The following PDS5A variants were observed in gnomAD, a reference collection of about 807,000 sequenced individuals.
PDS5A encodes sister chromatid cohesion protein PDS5 homolog A.
In PDS5A, 42 loss-of-function variants were observed where a neutral mutation model predicts 167.1. The observed-to-expected ratio is 0.25, with a 90% CI of 0.20 to 0.33. The LOEUF (loss-of-function observed/expected upper bound fraction) is 0.33, where lower values mean the gene tolerates loss of function less well. PDS5A is among the 10% of genes least tolerant of loss of function. The pLI is 1.00. For synonymous variants in PDS5A, 553 were observed against 554.6 expected, an observed-to-expected ratio of 1.00 and a Z score of 0.04; for missense variants, 1,033 against 1,605.9, an observed-to-expected ratio of 0.64 and a Z score of 6.10.
chr4:39,845,463 G>A (rs1237704550), intron 29 of PDS5A, among the ~76,000 whole-genome samples: 1 of 152,098 alleles, frequency 6.6e-6, no homozygotes, highest in Non-Finnish European at 1.5e-5. Context: ...TGTTTTAGGT[G>A]TCACCATATT....
chr4:39,956,346 A>T (rs1728923779), intron 2 of PDS5A, among the ~76,000 whole-genome samples: 1 of 151,310 alleles, frequency 6.6e-6, no homozygotes, highest in South Asian at 2.1e-4. Flanking sequence ...TACAAAAATT[A>T]GCCAGGTATG....
chr4:39,974,019 G>C (rs981164246), intron 2 of PDS5A: 12 of 457,796 alleles, frequency 2.6e-5, no homozygotes, highest in Non-Finnish European at 4.9e-5. Flanking sequence ...CCAGCTACTC[G>C]GGAGGCTGAG....
intron 2 of PDS5A, among the ~76,000 whole-genome samples, chr4:39,950,441 T>G (rs1317605279): frequency 1.3e-5 from 2 of 151,544 alleles, no homozygotes; most frequent in Non-Finnish European, 2.9e-5. Flanking sequence ...AAAAACAAGT[T>G]AGAAATTATT....
Position 39,926,880 on chromosome 4 carries a change from C to T in PDS5A, c.343-19G>A, listed in dbSNP as rs1301576610. ...ATATGTCCTGTTAAAAAAAAAAACA[C>T]ATTAATTTAGACACAAATACTTTTC... is the stretch of plus-strand genomic sequence containing the variant. On this transcript the variant is annotated intron_variant, in intron 3 of 32. Coordinates refer to ENST00000303538, the MANE Select transcript of PDS5A (RefSeq NM_001100399.2). The T allele has an allele frequency of 7.3e-7, 1 of 1,363,822 alleles. No individual in the cohort carries two copies. Among genetic ancestry groups the T allele is most frequent in the Non-Finnish European group, 9.6e-7 (1 of 1,039,500 alleles). 84.5% of individuals were successfully genotyped at this position (1,363,822 alleles called of 1,614,324 possible).
chr4:39,839,632 T>C (rs1288296698), intron 31 of PDS5A, among the ~76,000 whole-genome samples: 1 of 151,842 alleles, frequency 6.6e-6, no homozygotes, highest in Non-Finnish European at 1.5e-5. Flanking sequence ...GTTAAGCTAC[T>C]GTGGTGTAAC....
intron 21 of PDS5A, among the ~76,000 whole-genome samples, chr4:39,871,676 T>G (rs1049901246): frequency 6.6e-6 from 1 of 152,168 alleles, no homozygotes; most frequent in Admixed American, 6.5e-5. Flanking sequence ...TTAATTTAGA[T>G]CCATTTGGTA....
chr4:39,827,951 G>A (rs777666626), intron 32 of PDS5A, among the ~76,000 whole-genome samples: 1 of 152,160 alleles, frequency 6.6e-6, no homozygotes, highest in Middle Eastern at 3.4e-3. Context: ...TCACAACACC[G>A]GGAACTGTTT....
intron 6 of PDS5A, among the ~76,000 whole-genome samples, chr4:39,920,664 ATTGTT>A (rs1053048836): frequency 7.2e-5 from 11 of 152,202 alleles, no homozygotes; most frequent in African/African-American, 2.7e-4. Flanking sequence ...ACAACACTAT[ATTGTT>A]TTATTAAACT....
chr4:39,928,232 TTA>T, intron 2 of PDS5A, 68 bp from the exon 3 acceptor site: 1 of 1,075,600 alleles, frequency 9.3e-7, no homozygotes, highest in Non-Finnish European at 1.3e-6. Flanking sequence ...AGGATGTGAT[TTA>T]AAAAAAAAAA....
chr4:39,925,469 T>TATTGTATTATATA (rs1725374012), intron 5 of PDS5A, among the ~76,000 whole-genome samples: 1 of 152,206 alleles, frequency 6.6e-6, no homozygotes, highest in African/African-American at 2.4e-5. Flanking sequence ...AATTTAATAC[T>TATTGTATTATATA]TCATTGTATT....
chr4:39,845,674 C>G, intron 29 of PDS5A, 144 bp downstream of exon 29: 2 of 918,626 alleles, frequency 2.2e-6, no homozygotes, highest in Non-Finnish European at 2.9e-6. Context: ...AAAAGCATGG[C>G]TGCTTTAGAT....
At chr4:39,916,730 G>T (rs1967010) in intron 8 of PDS5A, among the ~76,000 whole-genome samples, 52,641 of 151,770 alleles carry the variant, frequency 0.35, 10,162 homozygotes, top group East Asian at 0.66. Flanking sequence ...TATGGGCATG[G>T]TGGTTTGCAC....
chr4:39,973,054 T>C lies in PDS5A; in HGVS notation c.138+3386A>G, dbSNP rs1448746564. 7.5e-6 allele frequency: 5 copies of C among 664,562 alleles called. No homozygotes were observed. In the Admixed American group the frequency reaches 9.9e-5, roughly 13 times the overall value. 41.2% of individuals were successfully genotyped at this position (664,562 alleles called of 1,614,324 possible). A position where few individuals can be genotyped will look rare whatever the true frequency, so the allele number is the denominator to read the frequency against. ...TTATATTTTGCAATTTTTTTTTCCATATTTAAGTTTTTCGATGTTTAGATA... is the reference window on the plus strand; with the variant it reads ...TTATATTTTGCAATTTTTTTTTCCACATTTAAGTTTTTCGATGTTTAGATA... On this transcript the variant is annotated intron_variant, in intron 2 of 32. Coordinates refer to ENST00000303538, the MANE Select transcript of PDS5A (RefSeq NM_001100399.2).
At chr4:39,834,566 T>A (rs917118756) in intron 32 of PDS5A, among the ~76,000 whole-genome samples, 8 of 152,134 alleles carry the variant, frequency 5.3e-5, no homozygotes, top group South Asian at 2.1e-4. Context: ...CTTAAAAAAA[T>A]TTTTAAAGAG....
At chr4:39,920,538 C>CT in intron 6 of PDS5A, 139 bp from the exon 7 acceptor site, 1 of 443,918 alleles carries the variant, frequency 2.3e-6, no homozygotes, top group East Asian at 3.8e-5. Context: ...ATAAAAATAA[C>CT]TGAGTTCTCT....
At chr4:39,842,087 A>G in intron 30 of PDS5A, 31 bp from the exon 31 acceptor site, 1 of 1,345,568 alleles carries the variant, frequency 7.4e-7, no homozygotes, top group Non-Finnish European at 1.1e-6. Flanking sequence ...AAGACTTCAT[A>G]TTTCCATGAA....
chr4:39,895,954 G>A (rs558332951), intron 16 of PDS5A, among the ~76,000 whole-genome samples: 30 of 150,752 alleles, frequency 2.0e-4, no homozygotes, highest in South Asian at 8.4e-4. Context: ...TCGATCTCCC[G>A]ACCTCATGAT....
Position 39,862,329 on chromosome 4 carries a change from T to C in PDS5A, c.2976A>G (p.Lys992=), listed in dbSNP as rs541495427. Reference sequence around the variant, plus strand: ...CATATTCAGGCAACAGTGATAATAATTTCTCTGAAGTAAAAACATTATTAA... The same window carrying C: ...CATATTCAGGCAACAGTGATAATAACTTCTCTGAAGTAAAAACATTATTAA... ...YIKQNPMATE[K]LLSLLPEYVV... The change falls in exon 26 of 33, where the codon AAA becomes AAG. Residue 992 remains lysine (K), a synonymous_variant. Transcript: ENST00000303538. 5 of 1,428,588 alleles carry C rather than the reference T, an allele frequency of 3.5e-6. No individual in the cohort carries two copies. The East Asian group carries it at 7.4e-5, about 21-fold the overall frequency. 88.5% of individuals were successfully genotyped at this position (1,428,588 alleles called of 1,614,324 possible).
chr4:39,834,463 A>G (rs1716208028), intron 32 of PDS5A, among the ~76,000 whole-genome samples: 1 of 152,202 alleles, frequency 6.6e-6, no homozygotes. Flanking sequence ...TCATCAGACA[A>G]GGGCAATTCT....
Sources: allele counts gnomAD v4.1 joint callset (sites outside exome capture counted in the v4.1 genomes callset), GRCh38; gene constraint gnomAD v4.1.1; transcripts MANE v1.5; gene names NCBI Gene and HGNC (gene_info 2026-07-23, HGNC 2026-07-21).